SOD2: variants seen among roughly 807,000 people sequenced by gnomAD.
The protein encoded by SOD2 is superoxide dismutase 2, also known as superoxide dismutase [Mn], mitochondrial.
SOD2 carries 11 observed loss-of-function variants against 27.0 expected under a neutral mutation model. The ratio of observed to expected loss-of-function variants is 0.41; its 90% CI spans 0.26 to 0.67. The LOEUF (loss-of-function observed/expected upper bound fraction) is 0.67, where lower values mean the gene tolerates loss of function less well. SOD2 is among the 30% of genes least tolerant of loss of function. SOD2 has a pLI of 0.34. For synonymous variants in SOD2, 105 were observed against 103.0 expected (o/e 1.02, Z -0.12); for missense variants, 250 against 274.5 (o/e 0.91, Z 0.63).
upstream of SOD2, among the ~76,000 whole-genome samples, chr6:159,728,428 A>AC (rs59247148): frequency 1.1e-4 from 13 of 123,020 alleles, no homozygotes; most frequent in African/African-American, 4.9e-4. Context: ...AACAAAACAA[A>AC]ACAAAAAAAC....
intron 1 of SOD2, chr6:159,726,810 G>C: frequency 7.8e-7 from 1 of 1,289,212 alleles, no homozygotes; most frequent in Non-Finnish European, 1.0e-6. Flanking sequence ...CCTCACGACT[G>C]ATGAGAGGGA....
At chr6:159,716,476 T>C (rs80203346) in intron 1 of SOD2, among the ~76,000 whole-genome samples, 5,380 of 152,270 alleles carry the variant, frequency 0.035, 339 homozygotes, top group African/African-American at 0.12. Context: ...TTTCACCTCA[T>C]GTGCCTCTCC....
At chr6:159,745,883 T>C (rs758857475), upstream of SOD2, among the ~76,000 whole-genome samples, 6 of 152,170 alleles carry the variant, frequency 3.9e-5, no homozygotes, top group Non-Finnish European at 5.9e-5. Context: ...GCACAATCAA[T>C]AGGACTTGTT....
chr6:159,761,312 A>G, exon 1 of SOD2: 1 of 269,134 alleles, frequency 3.7e-6, no homozygotes, highest in South Asian at 3.2e-5. Context: ...GAGGCTGGGA[A>G]GTCAGAAAGG....
rs1290797538 is a variant in SOD2, at chr6:159,670,931, CAGG to C, written c.*11559_*11561del. ...CCAATGGTCTTAGCAAACGGCACAC[CAGG>C]AGATTATATCCTGTGCCTAGCTCGG... On this transcript the variant is annotated 3_prime_UTR_variant, in exon 5 of 5. Transcript: ENST00000538183. 6.6e-6 allele frequency: 1 copy of C among 152,308 alleles called. No homozygotes were observed. Among genetic ancestry groups the C allele is most frequent in the African/African-American group, 2.4e-5 (1 of 41,452 alleles). The allele number at this position is 152,308 out of a possible 1,614,324, so 9.4% of individuals were successfully genotyped here.
chr6:159,736,318 T>A (rs1562455226), intron 1 of SOD2: 1 of 1,599,666 alleles, frequency 6.3e-7, no homozygotes, highest in Non-Finnish European at 8.5e-7. Context: ...GTTTTGGGTT[T>A]TTTTGTTTTG....
intron 1 of SOD2, chr6:159,753,355 T>G: frequency 6.8e-7 from 1 of 1,473,896 alleles, no homozygotes. Flanking sequence ...GCATCTGCTG[T>G]GATATAGTTA....
intron 1 of SOD2, chr6:159,713,933 G>C: frequency 1.1e-6 from 1 of 891,672 alleles, no homozygotes; most frequent in South Asian, 1.5e-5. Flanking sequence ...GCAGGACCAG[G>C]ATAGGCCCTG....
chr6:159,683,383 G>A (rs1229427147), intron 4 of SOD2, among the ~76,000 whole-genome samples: 2 of 152,122 alleles, frequency 1.3e-5, no homozygotes. Context: ...TACTCAGGAA[G>A]CTGACGCAGG....
At chr6:159,727,826 G>A (rs1186574595), upstream of SOD2, 2 of 688,252 alleles carry the variant, frequency 2.9e-6, no homozygotes, top group African/African-American at 1.9e-5. Context: ...GGCCTGGTGC[G>A]GCACCGGTCT....
At chr6:159,725,042 A>C (rs765365680) in intron 1 of SOD2, among the ~76,000 whole-genome samples, 7 of 152,140 alleles carry the variant, frequency 4.6e-5, no homozygotes, top group South Asian at 2.1e-4. Flanking sequence ...TACACAAAGA[A>C]CCAACTTTCC....
chr6:159,761,974 A>T (rs756846449), exon 1 of SOD2: 78 of 1,213,418 alleles, frequency 6.4e-5, no homozygotes, highest in Non-Finnish European at 8.8e-5. Flanking sequence ...GGGGAGGTGG[A>T]GGGCGAGGGG....
intron 1 of SOD2, among the ~76,000 whole-genome samples, chr6:159,708,586 A>C (rs1278819850): frequency 6.6e-6 from 1 of 152,244 alleles, no homozygotes. Context: ...CTCTTCAAGG[A>C]GAACTACAAA....
chr6:159,750,906 A>C (rs1779796301), intron 1 of SOD2, among the ~76,000 whole-genome samples: 1 of 152,264 alleles, frequency 6.6e-6, no homozygotes, highest in South Asian at 2.1e-4. Context: ...ACGCGCACGC[A>C]CGTGTGTGTC....
chr6:159,679,002 G>C lies in SOD2; in HGVS notation c.*3491C>G, dbSNP rs1779841273. 1 of 152,204 alleles carries C rather than the reference G, an allele frequency of 6.6e-6. No homozygotes were observed. The highest frequency in any genetic ancestry group is 2.1e-4 in the South Asian group (1 of 4,832). The allele number at this position is 152,204 out of a possible 1,614,324, so 9.4% of individuals were successfully genotyped here. ...GGAGATACAGGTCTTGGTCTTAAGAGTAATATTTCAACTACCCATTATTTA... is the reference window on the plus strand; with the variant it reads ...GGAGATACAGGTCTTGGTCTTAAGACTAATATTTCAACTACCCATTATTTA... On this transcript the variant is annotated 3_prime_UTR_variant, in exon 5 of 5. Transcript: ENST00000538183.
In SOD2 at chr6:159,716,819, GCA is replaced by G. The variant is rs560303010; in HGVS notation, c.-116+10308_-116+10309del. 2.5e-3 allele frequency among the ~76,000 whole-genome samples: 388 copies of G among 152,232 alleles called. 1 individual carries two copies. The highest frequency in any genetic ancestry group is 4.0e-3 in the Non-Finnish European group (269 of 68,010). On this transcript the variant is annotated intron_variant, in intron 1 of 2. Coordinates refer to the SOD2 transcript ENST00000401980. ...AATTGTCTTGTCCAAAATTCCAGTAGCACACTTGTTGAGAAACACTGGCTTAC... is the reference window on the plus strand; with the variant it reads ...AATTGTCTTGTCCAAAATTCCAGTAGCACTTGTTGAGAAACACTGGCTTAC...
At chr6:159,721,808 AGC>A (rs922246322) in intron 1 of SOD2, among the ~76,000 whole-genome samples, 3 of 151,154 alleles carry the variant, frequency 2.0e-5, no homozygotes, top group African/African-American at 7.3e-5. Context: ...TACAGGCGTA[AGC>A]CACCACACCC....
chr6:159,756,594 CTTTTTT>C, intron 1 of SOD2, among the ~76,000 whole-genome samples: 1 of 94,386 alleles, frequency 1.1e-5, no homozygotes, highest in Non-Finnish European at 2.0e-5. Context: ...ATTTCTTAGG[CTTTTTT>C]TTTTTTTTTT....
In SOD2 at chr6:159,750,854, A is replaced by G. The variant is rs1779794274; in HGVS notation, c.-335-2178T>C. ...AATGGCTCAGGCAATCCCGTCTGGAATATTTCCAGTGGTGGAATGGGTTTT... is the reference window on the plus strand; with the variant it reads ...AATGGCTCAGGCAATCCCGTCTGGAGTATTTCCAGTGGTGGAATGGGTTTT... On this transcript the variant is annotated intron_variant, in intron 1 of 7. Coordinates refer to the SOD2 transcript ENST00000546087. Among the ~76,000 whole-genome samples, 4 of 152,170 alleles carry G rather than the reference A, an allele frequency of 2.6e-5. No homozygotes were observed. In the South Asian group the frequency reaches 8.3e-4, roughly 31 times the overall value.
Sources: allele counts gnomAD v4.1 joint callset (sites outside exome capture counted in the v4.1 genomes callset), GRCh38; gene constraint gnomAD v4.1.1; transcripts MANE v1.5; gene names NCBI Gene and HGNC (gene_info 2026-07-23, HGNC 2026-07-21).